The following RANBP2 variants were observed in gnomAD, a reference collection of about 807,000 sequenced individuals.
The protein encoded by RANBP2 is RAN binding protein 2.
RANBP2 carries 57 observed loss-of-function variants against 303.6 expected under a neutral mutation model. That is an observed-to-expected ratio of 0.19 (90% confidence interval 0.15 to 0.23). The LOEUF is 0.23. Ranked by LOEUF, RANBP2 falls within the 10% of genes least tolerant of loss-of-function variation. The pLI, the probability that RANBP2 is intolerant of heterozygous loss-of-function variation, is 1.00. For synonymous variants in RANBP2, 1,167 were observed against 1,301.5 expected (o/e 0.90, Z 2.23); for missense variants, 3,138 against 3,780.8 (o/e 0.83, Z 4.46).
At chr2:109,176,514 T>C in the RANBP2 span, among the ~76,000 whole-genome samples, 7 of 152,150 alleles carry the variant, frequency 4.6e-5, no homozygotes. Context: ...GGAGGATCAC[T>C]TCAGTCCAGG....
chr2:108,835,301 T>A, the RANBP2 span, among the ~76,000 whole-genome samples: 1,594 of 152,310 alleles, frequency 0.01, 34 homozygotes, highest in African/African-American at 0.034. Flanking sequence ...CCAAAACTGT[T>A]CAATGATTGA....
chr2:108,803,584 T>A, the RANBP2 span, among the ~76,000 whole-genome samples: 1 of 152,204 alleles, frequency 6.6e-6, no homozygotes, highest in East Asian at 1.9e-4. Flanking sequence ...GGACTACAGA[T>A]GTGCACCACT....
At chr2:109,318,042 T>C in the RANBP2 span, among the ~76,000 whole-genome samples, 1 of 151,392 alleles carries the variant, frequency 6.6e-6, no homozygotes, top group Non-Finnish European at 1.5e-5. Context: ...GGGAGGATCA[T>C]CGTGATCCTT....
chr2:109,489,825 C>T, the RANBP2 span, among the ~76,000 whole-genome samples: 1 of 152,170 alleles, frequency 6.6e-6, no homozygotes, highest in Non-Finnish European at 1.5e-5. Context: ...GCAACCTCCA[C>T]CTCCTGGGTT....
rs2149235251 is a variant in RANBP2 at position 108,753,965 on chromosome 2, C to T, written c.2196C>T (p.Val732=). 5.0e-6 allele frequency: 8 copies of T among 1,611,804 alleles called. No homozygotes were observed. Among genetic ancestry groups the T allele is most frequent in the Non-Finnish European group, 6.8e-6 (8 of 1,179,798 alleles). ...ACAGTGATTCAAATCTTTCAGTGGTCAAGAAAGTAAGTAGCAGGTTGTTGT... is the reference window on the plus strand; with the variant it reads ...ACAGTGATTCAAATCTTTCAGTGGTTAAGAAAGTAAGTAGCAGGTTGTTGT... ...IDDSDSNLSV[V]KKLPVPLESV... is the part of the protein sequence containing the mutation. The change falls in exon 15 of 29, where the codon GTC becomes GTT. Residue 732 remains valine (V), a synonymous_variant. Coordinates refer to ENST00000283195, the MANE Select transcript of RANBP2 (RefSeq NM_006267.5).
the RANBP2 span, among the ~76,000 whole-genome samples, chr2:108,824,653 G>A: frequency 2.0e-5 from 3 of 152,076 alleles, no homozygotes; most frequent in African/African-American, 7.2e-5. Flanking sequence ...AAAAAGTATA[G>A]TGTAGCAAAT....
the RANBP2 span, among the ~76,000 whole-genome samples, chr2:108,808,572 C>A: frequency 4.6e-5 from 7 of 152,088 alleles, no homozygotes; most frequent in African/African-American, 2.4e-5. Flanking sequence ...GAGATTGATA[C>A]CTGATCATGG....
At chr2:108,859,743 A>C in the RANBP2 span, among the ~76,000 whole-genome samples, 2 of 152,060 alleles carry the variant, frequency 1.3e-5, no homozygotes, top group African/African-American at 2.4e-5. Context: ...TGATGCTTCC[A>C]GCTTTGTTCT....
At chr2:109,571,631 T>C in the RANBP2 span, among the ~76,000 whole-genome samples, 2 of 152,232 alleles carry the variant, frequency 1.3e-5, no homozygotes, top group Non-Finnish European at 2.9e-5. Flanking sequence ...ATTTGGTCCC[T>C]TGCTGACTAA....
chr2:109,464,481 C>T, the RANBP2 span, among the ~76,000 whole-genome samples: 1 of 152,156 alleles, frequency 6.6e-6, no homozygotes, highest in Non-Finnish European at 1.5e-5. Flanking sequence ...AACATCTGTA[C>T]ACATATACAG....
the RANBP2 span, among the ~76,000 whole-genome samples, chr2:109,724,104 T>C: frequency 6.9e-3 from 1,049 of 152,318 alleles, 9 homozygotes; most frequent in Non-Finnish European, 0.013. Flanking sequence ...TTCTGAGTTC[T>C]CTATTTTGTT....
chr2:109,224,312 A>G, the RANBP2 span, among the ~76,000 whole-genome samples: 5 of 152,254 alleles, frequency 3.3e-5, no homozygotes, highest in African/African-American at 1.2e-4. Context: ...CTAAAACTAT[A>G]TGTCACATAT....
chr2:109,030,344 A>G, the RANBP2 span, among the ~76,000 whole-genome samples: 1 of 152,216 alleles, frequency 6.6e-6, no homozygotes, highest in African/African-American at 2.4e-5. Context: ...AAAATTCCTT[A>G]GAATTCTATT....
At chr2:109,151,999 C>T in the RANBP2 span, among the ~76,000 whole-genome samples, 1 of 152,192 alleles carries the variant, frequency 6.6e-6, no homozygotes. Flanking sequence ...ATTTTTCATA[C>T]CCAGCTGATT....
At chr2:108,740,909 T>C (rs1696029697) in intron 7 of RANBP2, among the ~76,000 whole-genome samples, 1 of 151,900 alleles carries the variant, frequency 6.6e-6, no homozygotes, top group Admixed American at 6.6e-5. Context: ...TTGCCATGAT[T>C]TGTTTGTAGA....
chr2:109,401,253 T>C, the RANBP2 span, among the ~76,000 whole-genome samples: 1 of 152,352 alleles, frequency 6.6e-6, no homozygotes, highest in South Asian at 2.1e-4. Flanking sequence ...GTTGGCGATG[T>C]GAACAGTCGA....
At chr2:108,736,313 A>G (rs1234553686) in intron 6 of RANBP2, 64 bp downstream of exon 6, 2 of 1,611,356 alleles carry the variant, frequency 1.2e-6, no homozygotes, top group East Asian at 2.2e-5. Flanking sequence ...CAGTAAGTTC[A>G]TTGCTCTAAA....
the RANBP2 span, among the ~76,000 whole-genome samples, chr2:108,829,136 A>C: frequency 1.3e-5 from 2 of 152,198 alleles, no homozygotes; most frequent in Admixed American, 1.3e-4. Context: ...AAAAGCAAAA[A>C]TAAACTGAAC....
the RANBP2 span, among the ~76,000 whole-genome samples, chr2:108,839,514 A>G: frequency 6.6e-6 from 1 of 152,152 alleles, no homozygotes; most frequent in South Asian, 2.1e-4. Context: ...CTTACAATTT[A>G]TGAACATAAA....
Sources: gnomAD v4.1 joint callset for allele counts (sites outside exome capture counted in the v4.1 genomes callset) on GRCh38, gnomAD v4.1.1 for gene constraint, MANE v1.5 for transcripts, NCBI Gene and HGNC (gene_info 2026-07-23, HGNC 2026-07-21) for gene names.